NKD1: variants seen among roughly 807,000 people sequenced by gnomAD.
The protein encoded by NKD1 is NKD inhibitor of Wnt signaling pathway 1, also known as protein naked cuticle homolog 1.
In NKD1, 21 loss-of-function variants were observed where a neutral mutation model predicts 56.0. The ratio of observed to expected loss-of-function variants is 0.38; its 90% CI spans 0.27 to 0.54. The LOEUF is 0.54. NKD1 is among the 20% of genes least tolerant of loss of function. The pLI is 0.82. For missense variants in NKD1, 578 were observed against 642.7 expected (o/e 0.90, Z 1.09); for synonymous variants, 263 against 265.7 (o/e 0.99, Z 0.10).
chr16:50,614,386 A>T (rs1961916009), intron 4 of NKD1, among the ~76,000 whole-genome samples: 1 of 152,134 alleles, frequency 6.6e-6, no homozygotes. Context: ...ACTCACACAC[A>T]CACGTATACT....
chr16:50,566,939 C>T (rs1030783887), intron 3 of NKD1, among the ~76,000 whole-genome samples: 3 of 152,202 alleles, frequency 2.0e-5, no homozygotes, highest in African/African-American at 7.2e-5. Context: ...AATGCTCTTA[C>T]ATCCGTCATT....
chr16:50,595,480 T>C (rs751027096), intron 3 of NKD1, among the ~76,000 whole-genome samples: 2 of 152,048 alleles, frequency 1.3e-5, no homozygotes, highest in Non-Finnish European at 2.9e-5. Context: ...GGTGGAAATG[T>C]GGGGCTCAGA....
In NKD1 at chr16:50,564,955, A is replaced by G. The variant is rs140720551; in HGVS notation, c.192+15400A>G. On this transcript the variant is annotated intron_variant, in intron 3 of 9. Transcript: ENST00000268459. ...GTAGTGGGCTCCTCAAGATACTTCT[A>G]GCCATGCTCTGTTTGTGCATGCTTA... Among the ~76,000 whole-genome samples the G allele has an allele frequency of 6.8e-3, 1,040 of 152,324 alleles. 8 individuals carry two copies. The highest frequency in any genetic ancestry group is 0.011 in the Non-Finnish European group (723 of 68,024).
At chr16:50,559,613 C>T (rs573579342) in intron 3 of NKD1, among the ~76,000 whole-genome samples, 1 of 152,050 alleles carries the variant, frequency 6.6e-6, no homozygotes, top group South Asian at 2.1e-4. Flanking sequence ...GGTGGTACCA[C>T]TGTATGTTGC....
At chr16:50,577,232 C>T (rs537033868) in intron 3 of NKD1, among the ~76,000 whole-genome samples, 9 of 152,062 alleles carry the variant, frequency 5.9e-5, no homozygotes, top group East Asian at 1.9e-4. Context: ...ACCTTCCCAG[C>T]GGAGGGTTGT....
intron 3 of NKD1, among the ~76,000 whole-genome samples, chr16:50,580,431 C>T (rs929080684): frequency 8.5e-5 from 13 of 152,202 alleles, no homozygotes; most frequent in African/African-American, 2.7e-4. Flanking sequence ...AGCAGGTACA[C>T]GCAGGGAATG....
At position 50,633,384 on chromosome 16, in the gene NKD1, A is replaced by G; in HGVS notation, c.1016A>G (p.Gln339Arg). ...SELQQRLRGT[Q>R]DGSKHFVRSP... is the part of the protein sequence containing the mutation. ...CTCCAGCAACGGCTCCGGGGCACCCAGGACGGGAGCAAGCACTTTGTGAGG... is the reference window on the plus strand; with the variant it reads ...CTCCAGCAACGGCTCCGGGGCACCCGGGACGGGAGCAAGCACTTTGTGAGG... The change falls in exon 10 of 10, where the codon CAG becomes CGG. Residue 339 changes from glutamine (Q) to arginine (R), a missense_variant. Coordinates refer to ENST00000268459, the MANE Select transcript of NKD1 (RefSeq NM_033119.5). This position sits in a 1 kb window ranked among gnomAD's most constrained non-coding sequence, Gnocchi z 4.9. The G allele has an allele frequency of 6.2e-7, 1 of 1,614,096 alleles. No individual in the cohort carries two copies. Among genetic ancestry groups the G allele is most frequent in the Non-Finnish European group, 8.5e-7 (1 of 1,179,954 alleles).
chr16:50,581,544 C>G (rs1961116565), intron 3 of NKD1, among the ~76,000 whole-genome samples: 1 of 152,238 alleles, frequency 6.6e-6, no homozygotes, highest in Non-Finnish European at 1.5e-5. Flanking sequence ...GAGGGCTTCC[C>G]AAAGATGCAG....
intron 4 of NKD1, 102 bp downstream of exon 4, chr16:50,608,462 G>T: frequency 1.2e-6 from 1 of 800,634 alleles, no homozygotes. Context: ...TGCAGATGGA[G>T]GGCACAACAG....
At chr16:50,620,938 G>T (rs1032962591) in intron 4 of NKD1, among the ~76,000 whole-genome samples, 1 of 152,202 alleles carries the variant, frequency 6.6e-6, no homozygotes, top group Admixed American at 6.5e-5. Context: ...GCTCCCTGAA[G>T]ATGCCTTTTG....
At chr16:50,583,621 C>T (rs1035386979) in intron 3 of NKD1, among the ~76,000 whole-genome samples, 20 of 152,240 alleles carry the variant, frequency 1.3e-4, no homozygotes, top group East Asian at 3.9e-4. Flanking sequence ...AGTTCAGGAG[C>T]GGTTTTTTTT....
chr16:50,549,592 C>G (rs767272479), intron 3 of NKD1, 37 bp downstream of exon 3: 2 of 1,524,364 alleles, frequency 1.3e-6, no homozygotes, highest in Non-Finnish European at 1.8e-6. Flanking sequence ...TCCTGGCCTC[C>G]TTTCAGCCTC....
intron 3 of NKD1, among the ~76,000 whole-genome samples, chr16:50,582,262 C>T (rs1202266342): frequency 1.3e-5 from 2 of 152,166 alleles, no homozygotes; most frequent in East Asian, 3.8e-4. Flanking sequence ...TAAGGACTCT[C>T]GCAGGGCTGT....
intron 3 of NKD1, among the ~76,000 whole-genome samples, chr16:50,589,870 C>G (rs938401043): frequency 4.2e-5 from 6 of 142,472 alleles, no homozygotes; most frequent in African/African-American, 1.6e-4. Flanking sequence ...CTTTTTGAGA[C>G]AGGGTCTTGC....
intron 3 of NKD1, among the ~76,000 whole-genome samples, chr16:50,582,555 G>A (rs781511311): frequency 6.6e-6 from 1 of 152,216 alleles, no homozygotes; most frequent in African/African-American, 2.4e-5. Context: ...GGGCACTCTC[G>A]TGACACAGCA....
intron 1 of NKD1, 33 bp from the exon 2 acceptor site, chr16:50,548,684 C>T (rs1416274765): frequency 6.3e-6 from 9 of 1,436,558 alleles, no homozygotes; most frequent in Admixed American, 2.7e-5. Flanking sequence ...CCGCGGCTGC[C>T]GCCGCCGCCG....
At chr16:50,616,188 A>G (rs1479261380) in intron 4 of NKD1, 3 of 422,180 alleles carry the variant, frequency 7.1e-6, no homozygotes, top group Non-Finnish European at 9.9e-6. Flanking sequence ...CTAGCAAGGA[A>G]GTTCTGGCTT....
Position 50,548,409 on chromosome 16 carries a change from C to G in NKD1, c.-145C>G, listed in dbSNP as rs2151260075. ...CTCCCGGGCGTCAGTCGGGCCGCGG[C>G]GACGGCGGCAGGAGCGCGTCCCGGC... On this transcript the variant is annotated 5_prime_UTR_variant, in exon 1 of 10. Transcript: ENST00000268459. 22 of 210,290 alleles carry G rather than the reference C, an allele frequency of 1.0e-4. No homozygotes were observed. The highest frequency in any genetic ancestry group is 4.8e-4 in the East Asian group (3 of 6,198). 13.0% of individuals were successfully genotyped at this position (210,290 alleles called of 1,614,324 possible). A position where few individuals can be genotyped will look rare whatever the true frequency, so the allele number is the denominator to read the frequency against.
rs1962729427 is a variant in NKD1, at chr16:50,648,922, C to G, written c.*15141C>G. 1 of 152,210 alleles carries G rather than the reference C, an allele frequency of 6.6e-6. No homozygotes were observed. Among genetic ancestry groups the G allele is most frequent in the African/African-American group, 2.4e-5 (1 of 41,446 alleles). The allele number at this position is 152,210 out of a possible 1,614,324, so 9.4% of individuals were successfully genotyped here. ...GAGATGTGGAGTGGCTAAAAGAAGCCTGTGTTCCTGAGAACTTAGAGGACC... is the reference window on the plus strand; with the variant it reads ...GAGATGTGGAGTGGCTAAAAGAAGCGTGTGTTCCTGAGAACTTAGAGGACC... On this transcript the variant is annotated 3_prime_UTR_variant, in exon 10 of 10. Coordinates refer to ENST00000268459, the MANE Select transcript of NKD1 (RefSeq NM_033119.5).
Sources: gnomAD v4.1 joint callset for allele counts (sites outside exome capture counted in the v4.1 genomes callset) on GRCh38, gnomAD v4.1.1 for gene constraint, Gnocchi (gnomAD v3.1) non-coding constraint, MANE v1.5 for transcripts, NCBI Gene and HGNC (gene_info 2026-07-23, HGNC 2026-07-21) for gene names.